The following TAFA2 variants were observed in gnomAD, a reference collection of about 807,000 sequenced individuals.
TAFA2 encodes TAFA chemokine like family member 2.
A neutral mutation model predicts 18.8 loss-of-function variants in TAFA2; 7 were observed. The ratio of observed to expected loss-of-function variants is 0.37; its 90% CI spans 0.21 to 0.70. The LOEUF is 0.70. Ranked by LOEUF, TAFA2 falls within the 30% of genes least tolerant of loss-of-function variation. The pLI, the probability that TAFA2 is intolerant of heterozygous loss-of-function variation, is 0.53. For missense variants in TAFA2, 122 were observed against 158.1 expected (o/e 0.77, Z 1.23); for synonymous variants, 60 against 54.2 (o/e 1.11, Z -0.47).
intron 2 of TAFA2, among the ~76,000 whole-genome samples, chr12:61,840,726 G>A (rs746437637): frequency 3.9e-5 from 6 of 151,980 alleles, no homozygotes; most frequent in Admixed American, 6.6e-5. Context: ...AAGGAACAAC[G>A]AAAACAATGG....
intron 2 of TAFA2, among the ~76,000 whole-genome samples, chr12:61,816,975 T>G (rs1411361052): frequency 1.3e-5 from 2 of 151,314 alleles, no homozygotes; most frequent in African/African-American, 4.9e-5. Context: ...AAGTAAATAA[T>G]AAGTATTTAC....
intron 1 of TAFA2, among the ~76,000 whole-genome samples, chr12:62,203,707 T>A (rs1197377036): frequency 2.0e-5 from 3 of 152,240 alleles, no homozygotes; most frequent in Non-Finnish European, 2.9e-5. Context: ...CTCCATCCCT[T>A]TATTTTGAGC....
At chr12:62,087,216 G>A (rs1179116801) in intron 1 of TAFA2, among the ~76,000 whole-genome samples, 2 of 152,038 alleles carry the variant, frequency 1.3e-5, no homozygotes, top group African/African-American at 4.8e-5. Flanking sequence ...CATGGAGATG[G>A]ATAGTCATGA....
At chr12:62,024,781 A>G (rs943412297) in intron 1 of TAFA2, among the ~76,000 whole-genome samples, 1 of 152,058 alleles carries the variant, frequency 6.6e-6, no homozygotes, top group Non-Finnish European at 1.5e-5. Context: ...AAATAACCCC[A>G]TTAAAAAAAT....
chr12:61,904,760 G>T (rs556112393), intron 1 of TAFA2, among the ~76,000 whole-genome samples: 1 of 152,008 alleles, frequency 6.6e-6, no homozygotes, highest in Non-Finnish European at 1.5e-5. Context: ...TCCCTCATTC[G>T]GTCCCACTGG....
intron 1 of TAFA2, among the ~76,000 whole-genome samples, chr12:62,122,309 G>A (rs1002430218): frequency 6.6e-6 from 1 of 152,100 alleles, no homozygotes; most frequent in African/African-American, 2.4e-5. Flanking sequence ...TTCTCAAAGA[G>A]CAAAAGACAA....
chr12:62,154,587 T>A (rs1037368374), intron 1 of TAFA2, among the ~76,000 whole-genome samples: 2 of 152,178 alleles, frequency 1.3e-5, no homozygotes, highest in Non-Finnish European at 2.9e-5. Flanking sequence ...AGATAATATA[T>A]TTGAAAGTGT....
intron 1 of TAFA2, among the ~76,000 whole-genome samples, chr12:61,933,870 G>C (rs984710477): frequency 6.6e-6 from 1 of 152,220 alleles, no homozygotes; most frequent in African/African-American, 2.4e-5. Context: ...CCACAACATA[G>C]ATGGTATTTA....
chr12:61,912,996 A>T (rs1876675313), intron 1 of TAFA2, among the ~76,000 whole-genome samples: 1 of 152,212 alleles, frequency 6.6e-6, no homozygotes. Context: ...GGTGAAAACC[A>T]TAAGGAGTAG....
chr12:61,912,909 C>CA (rs1236043162), intron 1 of TAFA2, among the ~76,000 whole-genome samples: 51 of 152,152 alleles, frequency 3.4e-4, no homozygotes, highest in Admixed American at 6.6e-5. Flanking sequence ...AGAAAAGCAG[C>CA]AGCCCTCTAG....
chr12:61,800,762 A>C lies in TAFA2; in HGVS notation c.107-45738T>G, dbSNP rs183437393. On this transcript the variant is annotated intron_variant, in intron 2 of 4. Transcript: ENST00000416284. ...GGTAGGCAACTATGTCAAATGCTTC[A>C]GAAAGCTAAGGAGAAGATAGAAGGT... Among the ~76,000 whole-genome samples the C allele has an allele frequency of 1.2e-3, 187 of 152,298 alleles. No individual in the cohort carries two copies. The Middle Eastern group carries it at 0.014, about 11-fold the overall frequency.
intron 4 of TAFA2, among the ~76,000 whole-genome samples, chr12:61,750,325 T>A (rs1392601396): frequency 1.3e-5 from 2 of 152,128 alleles, no homozygotes; most frequent in Non-Finnish European, 2.9e-5. Context: ...AGTCATAAAT[T>A]TTCCACCTTT....
At chr12:62,026,444 G>A (rs749643231) in intron 1 of TAFA2, among the ~76,000 whole-genome samples, 9 of 151,990 alleles carry the variant, frequency 5.9e-5, no homozygotes, top group Non-Finnish European at 1.3e-4. Context: ...CCAGGTTCTT[G>A]GCAAAACCTG....
intron 1 of TAFA2, among the ~76,000 whole-genome samples, chr12:62,108,708 G>T (rs1012733703): frequency 1.3e-5 from 2 of 152,112 alleles, no homozygotes; most frequent in Non-Finnish European, 2.9e-5. Flanking sequence ...ATCTCATTAT[G>T]GTTTTGATTT....
At chr12:61,929,861 T>C (rs1877479714) in intron 1 of TAFA2, among the ~76,000 whole-genome samples, 1 of 152,054 alleles carries the variant, frequency 6.6e-6, no homozygotes, top group Admixed American at 6.6e-5. Flanking sequence ...TGTAGGGACA[T>C]GGATGAAGCT....
intron 1 of TAFA2, among the ~76,000 whole-genome samples, chr12:61,930,466 A>G (rs1295245663): frequency 3.9e-5 from 6 of 152,326 alleles, no homozygotes; most frequent in African/African-American, 1.4e-4. Flanking sequence ...GGATTGTCAC[A>G]TTCCTCTTCA....
chr12:62,007,023 T>A (rs1359733978), intron 1 of TAFA2, among the ~76,000 whole-genome samples: 2 of 152,198 alleles, frequency 1.3e-5, no homozygotes, highest in African/African-American at 2.4e-5. Flanking sequence ...TGAAGCATGA[T>A]TGAAGGAAAC....
At chr12:61,797,571 A>C (rs1164936592) in intron 2 of TAFA2, among the ~76,000 whole-genome samples, 1 of 152,112 alleles carries the variant, frequency 6.6e-6, no homozygotes, top group East Asian at 1.9e-4. Context: ...AAAAATATAA[A>C]ACCACAGATG....
rs7974010 is a variant in TAFA2 at position 61,957,471 on chromosome 12, G to C, written c.-1-90045C>G. Among the ~76,000 whole-genome samples, 411 of 152,194 alleles carry C rather than the reference G, an allele frequency of 2.7e-3. 3 individuals are homozygous for C. Among genetic ancestry groups the C allele is most frequent in the African/African-American group, 9.2e-3 (382 of 41,558 alleles). On this transcript the variant is annotated intron_variant, in intron 1 of 4. Coordinates refer to ENST00000416284, the MANE Select transcript of TAFA2 (RefSeq NM_178539.5). ...TCAATGGTAAAGGGATTCTTCTGAA[G>C]TCAGGCCAAGGACATAAATTAAAGG...
Sources: gnomAD v4.1 joint callset for allele counts (sites outside exome capture counted in the v4.1 genomes callset) on GRCh38, gnomAD v4.1.1 for gene constraint, MANE v1.5 for transcripts, NCBI Gene and HGNC (gene_info 2026-07-23, HGNC 2026-07-21) for gene names.